The following NRXN3 variants were observed in gnomAD, a reference collection of about 807,000 sequenced individuals.
NRXN3 encodes neurexin 3, also known as neurexin III.
NRXN3 carries 32 observed loss-of-function variants against 137.6 expected under a neutral mutation model. The observed-to-expected ratio is 0.23, with a 90% CI of 0.18 to 0.31. The LOEUF (loss-of-function observed/expected upper bound fraction) is 0.31. Ranked by LOEUF, NRXN3 falls within the 10% of genes least tolerant of loss-of-function variation. The pLI is 1.00. For missense variants in NRXN3, 1,574 were observed against 2,062.5 expected (o/e 0.76, Z 4.59); for synonymous variants, 798 against 784.5 (o/e 1.02, Z -0.29).
intron 4 of NRXN3, among the ~76,000 whole-genome samples, chr14:78,455,862 A>T (rs897845928): frequency 9.2e-5 from 14 of 152,060 alleles, no homozygotes; most frequent in Non-Finnish European, 1.5e-5. Flanking sequence ...GACATCTCAC[A>T]TTCCTCCCTC....
At chr14:79,157,597 G>C (rs1322954354) in intron 15 of NRXN3, among the ~76,000 whole-genome samples, 1 of 151,792 alleles carries the variant, frequency 6.6e-6, no homozygotes, top group Admixed American at 6.6e-5. Flanking sequence ...TAGATTCCCT[G>C]TCTAAGGGAA....
At chr14:78,530,338 C>A (rs758308236) in intron 4 of NRXN3, among the ~76,000 whole-genome samples, 2 of 152,336 alleles carry the variant, frequency 1.3e-5, no homozygotes, top group Non-Finnish European at 2.9e-5. Flanking sequence ...ACAGGGCTCT[C>A]AGCCACTGTG....
chr14:78,292,116 C>T (rs977387013), intron 3 of NRXN3, among the ~76,000 whole-genome samples: 2 of 152,182 alleles, frequency 1.3e-5, no homozygotes, highest in African/African-American at 4.8e-5. Context: ...TTACATCTTC[C>T]TCTTGCCTGT....
At chr14:79,253,845 G>C (rs2076246585) in intron 15 of NRXN3, among the ~76,000 whole-genome samples, 1 of 152,192 alleles carries the variant, frequency 6.6e-6, no homozygotes, top group Non-Finnish European at 1.5e-5. Context: ...TACAATTTGA[G>C]ATGAGATTTG....
chr14:79,661,615 G>T (rs774612690), intron 16 of NRXN3: 15 of 152,078 alleles, frequency 9.9e-5, no homozygotes, highest in Non-Finnish European at 2.1e-4. Flanking sequence ...AATAAATTTT[G>T]TATTTGTGTA....
At chr14:78,776,844 T>C (rs1015619535) in intron 8 of NRXN3, among the ~76,000 whole-genome samples, 1 of 152,194 alleles carries the variant, frequency 6.6e-6, no homozygotes, top group African/African-American at 2.4e-5. Context: ...AGAGACCAAC[T>C]GGAGAGTGTA....
At chr14:78,390,530 G>A (rs747567863) in intron 4 of NRXN3, among the ~76,000 whole-genome samples, 2 of 152,080 alleles carry the variant, frequency 1.3e-5, no homozygotes, top group African/African-American at 4.8e-5. Flanking sequence ...TTTGCATCTC[G>A]CCTTTACCTT....
chr14:79,344,930 A>G (rs897373206), intron 15 of NRXN3, among the ~76,000 whole-genome samples: 1 of 152,146 alleles, frequency 6.6e-6, no homozygotes, highest in Non-Finnish European at 1.5e-5. Flanking sequence ...TGGACTCTTT[A>G]TGTTATAAAA....
intron 15 of NRXN3, among the ~76,000 whole-genome samples, chr14:79,175,707 A>G (rs983313260): frequency 6.6e-6 from 1 of 152,180 alleles, no homozygotes; most frequent in African/African-American, 2.4e-5. Context: ...AGAGTGGGAA[A>G]CAGTCTTCAC....
At chr14:79,712,419 A>C (rs1205371183) in intron 19 of NRXN3, among the ~76,000 whole-genome samples, 1 of 152,216 alleles carries the variant, frequency 6.6e-6, no homozygotes, top group Admixed American at 6.5e-5. Flanking sequence ...TGACTTTGTA[A>C]TATCGCCTAT....
intron 8 of NRXN3, among the ~76,000 whole-genome samples, chr14:78,799,726 T>A (rs1362388909): frequency 6.6e-6 from 1 of 152,238 alleles, no homozygotes; most frequent in East Asian, 1.9e-4. Context: ...CACCTCACAA[T>A]CACAATCATG....
chr14:78,956,800 T>C (rs898630749), intron 10 of NRXN3, among the ~76,000 whole-genome samples: 2 of 152,224 alleles, frequency 1.3e-5, no homozygotes, highest in Admixed American at 6.5e-5. Flanking sequence ...GTCCTATTGG[T>C]GGATACTCTC....
chr14:79,077,218 A>G (rs1568207632), intron 15 of NRXN3, among the ~76,000 whole-genome samples: 1 of 152,200 alleles, frequency 6.6e-6, no homozygotes, highest in African/African-American at 2.4e-5. Context: ...ACAGCAGGTG[A>G]TAAGAATTAA....
intron 2 of NRXN3, among the ~76,000 whole-genome samples, chr14:78,274,456 G>T (rs2073276804): frequency 1.3e-5 from 2 of 152,278 alleles, no homozygotes; most frequent in African/African-American, 4.8e-5. Flanking sequence ...GAGTGTAACT[G>T]CCCCCATGAT....
At chr14:79,741,339 T>C (rs2098962387) in intron 19 of NRXN3, among the ~76,000 whole-genome samples, 1 of 152,194 alleles carries the variant, frequency 6.6e-6, no homozygotes, top group Non-Finnish European at 1.5e-5. Context: ...AACAGCATGC[T>C]TTCTGGAAGC....
At chr14:78,219,427 T>C (rs540612773) in intron 1 of NRXN3, among the ~76,000 whole-genome samples, 4 of 152,248 alleles carry the variant, frequency 2.6e-5, no homozygotes, top group African/African-American at 9.6e-5. Flanking sequence ...CAGAAGACCA[T>C]GTAGCCCAAG....
intron 15 of NRXN3, among the ~76,000 whole-genome samples, chr14:79,126,206 G>A (rs553263203): frequency 6.6e-6 from 1 of 151,590 alleles, no homozygotes; most frequent in Admixed American, 6.6e-5. Flanking sequence ...TTAAGTTTTA[G>A]GGTACATGTG....
chr14:79,709,187 G>A (rs2098793406), intron 19 of NRXN3, among the ~76,000 whole-genome samples: 1 of 152,168 alleles, frequency 6.6e-6, no homozygotes, highest in Admixed American at 6.5e-5. Context: ...GCAGATATGT[G>A]TACCTCACTA....
intron 19 of NRXN3, among the ~76,000 whole-genome samples, chr14:79,724,158 C>T (rs915433184): frequency 1.3e-5 from 2 of 152,146 alleles, no homozygotes; most frequent in Non-Finnish European, 2.9e-5. Context: ...TAAGCCTGCT[C>T]AGCTTTTACA....
Sources: allele counts gnomAD v4.1 joint callset (sites outside exome capture counted in the v4.1 genomes callset), GRCh38; gene constraint gnomAD v4.1.1; transcripts MANE v1.5; gene names NCBI Gene and HGNC (gene_info 2026-07-23, HGNC 2026-07-21).